Variants in PSMB7 observed in about 807,000 individuals in gnomAD.
PSMB7 encodes proteasome 20S subunit beta 7, also known as proteasome subunit beta type-7.
In PSMB7, 5 loss-of-function variants were observed where a neutral mutation model predicts 28.1. The observed-to-expected ratio is 0.18, with a 90% CI of 0.09 to 0.37. The LOEUF (loss-of-function observed/expected upper bound fraction) is 0.37, where lower values mean the gene tolerates loss of function less well. Ranked by LOEUF, PSMB7 falls within the 10% of genes least tolerant of loss-of-function variation. The probability of loss-of-function intolerance (pLI) is 1.00; values close to 1 mark genes in which losing one functional copy is unlikely to be tolerated. For missense variants in PSMB7, 275 were observed against 346.2 expected, an observed-to-expected ratio of 0.79 and a Z score of 1.63; for synonymous variants, 122 against 123.7, an observed-to-expected ratio of 0.99 and a Z score of 0.09.
intron 7 of PSMB7, among the ~76,000 whole-genome samples, chr9:124,355,636 G>T (rs1404033374): frequency 6.6e-6 from 1 of 152,226 alleles, no homozygotes; most frequent in African/African-American, 2.4e-5. Context: ...CTCTGGGCCT[G>T]AAAGGTGGCT....
chr9:124,377,488 A>G (rs567394896), intron 6 of PSMB7, among the ~76,000 whole-genome samples: 1 of 152,360 alleles, frequency 6.6e-6, no homozygotes, highest in East Asian at 1.9e-4. Context: ...TACTGGACTT[A>G]CAAAAAAAAC....
At chr9:124,363,845 C>T (rs895008379) in intron 6 of PSMB7, among the ~76,000 whole-genome samples, 2 of 152,132 alleles carry the variant, frequency 1.3e-5, no homozygotes, top group African/African-American at 4.8e-5. Flanking sequence ...TCCTAGGTCA[C>T]TGAGTGATGC....
chr9:124,358,482 C>T (rs1286476620), intron 6 of PSMB7, among the ~76,000 whole-genome samples: 3 of 152,128 alleles, frequency 2.0e-5, no homozygotes, highest in East Asian at 1.9e-4. Flanking sequence ...AAACGGGATC[C>T]GCTAATTAGG....
chr9:124,387,136 C>T (rs1425485267), intron 5 of PSMB7, among the ~76,000 whole-genome samples: 1 of 152,042 alleles, frequency 6.6e-6, no homozygotes, highest in Admixed American at 6.6e-5. Context: ...GTCCCAGCTA[C>T]GCAGGAGGCT....
chr9:124,374,679 G>A (rs1459164544), intron 6 of PSMB7, among the ~76,000 whole-genome samples: 1 of 151,982 alleles, frequency 6.6e-6, no homozygotes, highest in African/African-American at 2.4e-5. Context: ...TTTTTAATTA[G>A]CTGAGCACGG....
chr9:124,374,749 A>G (rs994122200), intron 6 of PSMB7, among the ~76,000 whole-genome samples: 28 of 152,244 alleles, frequency 1.8e-4, no homozygotes, highest in African/African-American at 5.1e-4. Flanking sequence ...CCTTGAACCC[A>G]GGCATTCAAG....
At chr9:124,364,404 GAAAAGAACC>G (rs1830488873) in intron 6 of PSMB7, among the ~76,000 whole-genome samples, 1 of 151,726 alleles carries the variant, frequency 6.6e-6, no homozygotes. Context: ...CTTCCAGAGG[GAAAAGAACC>G]AAAAGAGACA....
At chr9:124,359,991 T>C (rs780356938) in intron 6 of PSMB7, among the ~76,000 whole-genome samples, 6 of 152,178 alleles carry the variant, frequency 3.9e-5, no homozygotes, top group Non-Finnish European at 7.3e-5. Context: ...ACCCACTACT[T>C]ACACAGTTAA....
intron 6 of PSMB7, among the ~76,000 whole-genome samples, chr9:124,360,109 T>C (rs897703854): frequency 2.6e-5 from 4 of 152,252 alleles, no homozygotes; most frequent in African/African-American, 7.2e-5. Flanking sequence ...TAGACACGTA[T>C]GCAAATATGC....
intron 5 of PSMB7, chr9:124,396,665 T>C: frequency 2.3e-6 from 1 of 433,226 alleles, no homozygotes; most frequent in Non-Finnish European, 4.7e-6. Context: ...TCCAAGGACC[T>C]CATTTTCAGG....
At chr9:124,375,943 A>C (rs774485016) in intron 6 of PSMB7, among the ~76,000 whole-genome samples, 23 of 152,148 alleles carry the variant, frequency 1.5e-4, no homozygotes, top group Non-Finnish European at 7.3e-5. Context: ...TCCACACCTG[A>C]GCCCCCGTGG....
chr9:124,384,281 C>T (rs1830697085), intron 6 of PSMB7: 1 of 304,280 alleles, frequency 3.3e-6, no homozygotes, highest in Admixed American at 5.0e-5. Context: ...TTTGAGATAT[C>T]GTGACACAGA....
chr9:124,384,702 C>A (rs760543816), intron 5 of PSMB7, 46 bp from the exon 6 acceptor site: 3 of 1,584,326 alleles, frequency 1.9e-6, no homozygotes, highest in Admixed American at 3.4e-5. Context: ...GATATCCCAG[C>A]TTATCCATCT....
intron 6 of PSMB7, among the ~76,000 whole-genome samples, chr9:124,367,707 C>T (rs1830521104): frequency 6.6e-6 from 1 of 152,134 alleles, no homozygotes; most frequent in Non-Finnish European, 1.5e-5. Flanking sequence ...TCCAATTTCC[C>T]CATCTGCAAA....
chr9:124,359,303 C>G lies in PSMB7; in HGVS notation c.571-2388G>C, dbSNP rs529824206. On this transcript the variant is annotated intron_variant, in intron 6 of 7. Coordinates refer to ENST00000259457, the MANE Select transcript of PSMB7 (RefSeq NM_002799.4). ...AGTCCCACTCCATGTCTCATATACA[C>G]ATGGCTGAAGATGTTAGGAGATGGA... 3.3e-5 allele frequency among the ~76,000 whole-genome samples: 5 copies of G among 152,278 alleles called. No individual in the cohort carries two copies. The East Asian group carries it at 9.6e-4, about 29-fold the overall frequency.
At chr9:124,406,976 C>T (rs1830972915) in intron 4 of PSMB7, among the ~76,000 whole-genome samples, 1 of 151,854 alleles carries the variant, frequency 6.6e-6, no homozygotes, top group South Asian at 2.1e-4. Flanking sequence ...AACAGAGTGA[C>T]ACTTAGTCTC....
At chr9:124,387,323 AT>A (rs1378070644) in intron 5 of PSMB7, among the ~76,000 whole-genome samples, 1 of 152,222 alleles carries the variant, frequency 6.6e-6, no homozygotes, top group Non-Finnish European at 1.5e-5. Context: ...ATAAGTGGAA[AT>A]AACACACTAA....
At chr9:124,402,701 T>TA (rs35113862) in intron 5 of PSMB7, among the ~76,000 whole-genome samples, 1 of 151,550 alleles carries the variant, frequency 6.6e-6, no homozygotes, top group Admixed American at 6.6e-5. Flanking sequence ...GAAATTTAAG[T>TA]AAAAAAAAGA....
chr9:124,379,736 G>A (rs1830646499), intron 6 of PSMB7, among the ~76,000 whole-genome samples: 2 of 152,132 alleles, frequency 1.3e-5, no homozygotes, highest in Non-Finnish European at 2.9e-5. Context: ...TCCTTAATGG[G>A]GTGTTTGGTT....
Sources: allele counts gnomAD v4.1 joint callset (sites outside exome capture counted in the v4.1 genomes callset), GRCh38; gene constraint gnomAD v4.1.1; transcripts MANE v1.5; gene names NCBI Gene and HGNC (gene_info 2026-07-23, HGNC 2026-07-21).